LOC131768270: variants seen among roughly 807,000 people sequenced by gnomAD.
chr5:140,565,764 A>AAGCTTCCTAT, the LOC131768270 span: 1 of 396,180 alleles, frequency 2.5e-6, no homozygotes, highest in Non-Finnish European at 4.4e-6. Context: ...TTTATAGGAA[A>AAGCTTCCTAT]AGGTCTTTCT....
the LOC131768270 span, chr5:140,565,970 AG>A: frequency 2.5e-6 from 1 of 398,962 alleles, no homozygotes; most frequent in Non-Finnish European, 4.4e-6. Flanking sequence ...GGAGTGGGCC[AG>A]GTAAGGACTG....
chr5:140,568,082 G>A, the LOC131768270 span: 60 of 1,613,834 alleles, frequency 3.7e-5, no homozygotes, highest in South Asian at 2.5e-4. Flanking sequence ...GCTCACAGCC[G>A]CCTTCTTCCT....
At chr5:140,567,229 C>A in the LOC131768270 span, 1 of 1,614,076 alleles carries the variant, frequency 6.2e-7, no homozygotes, top group Non-Finnish European at 8.5e-7. Flanking sequence ...CCCGCTGGAC[C>A]CTGATGCTAC....
the LOC131768270 span, chr5:140,565,252 A>G: frequency 9.4e-6 from 2 of 213,548 alleles, no homozygotes; most frequent in Non-Finnish European, 1.8e-5. Context: ...TCTGAATTTC[A>G]TACTTATATG....
chr5:140,564,983 C>T, the LOC131768270 span: 306 of 399,376 alleles, frequency 7.7e-4, 4 homozygotes, highest in East Asian at 0.011. The surrounding 1 kb of genome is among the most constrained non-coding windows in gnomAD (Gnocchi z 5.0). Context: ...TCTTCTGCGG[C>T]TCCTGTCAAC....
the LOC131768270 span, chr5:140,566,053 T>A: frequency 5.0e-6 from 2 of 398,018 alleles, no homozygotes; most frequent in Non-Finnish European, 8.9e-6. Context: ...TGGTAGAGAT[T>A]TCTTCAGCAA....
the LOC131768270 span, chr5:140,567,149 C>T: frequency 6.2e-7 from 1 of 1,614,162 alleles, no homozygotes; most frequent in South Asian, 1.1e-5. Context: ...GCCCCTTAGC[C>T]ACCCAGGGTC....
the LOC131768270 span, chr5:140,568,274 G>C: frequency 6.9e-7 from 1 of 1,441,392 alleles, no homozygotes; most frequent in South Asian, 1.3e-5. Flanking sequence ...AGCTGGAGAA[G>C]TGAGGGCAGC....
chr5:140,566,909 T>C, the LOC131768270 span: 1 of 643,502 alleles, frequency 1.6e-6, no homozygotes, highest in Admixed American at 2.4e-5. Context: ...TTGTGGACAG[T>C]AGTTCCTCAG....
At chr5:140,568,654 A>T in the LOC131768270 span, 1 of 187,524 alleles carries the variant, frequency 5.3e-6, no homozygotes. Flanking sequence ...CACAGATTAT[A>T]CAACCATTAC....
the LOC131768270 span, chr5:140,565,277 C>T: frequency 1.1e-5 from 2 of 185,084 alleles, no homozygotes; most frequent in Non-Finnish European, 2.2e-5. Context: ...CAAAATCACT[C>T]AGTCCATTTA....
At chr5:140,568,009 C>T in the LOC131768270 span, 1 of 1,614,108 alleles carries the variant, frequency 6.2e-7, no homozygotes, top group Non-Finnish European at 8.5e-7. Context: ...TCACACGCCT[C>T]TTTGTGGTGT....
At chr5:140,566,627 A>G in the LOC131768270 span, 2 of 443,732 alleles carry the variant, frequency 4.5e-6, no homozygotes, top group Non-Finnish European at 7.9e-6. Context: ...TGGTGGCCAA[A>G]CTGAGGGCAT....
chr5:140,567,189 G>T, the LOC131768270 span: 2 of 1,614,204 alleles, frequency 1.2e-6, no homozygotes, highest in Non-Finnish European at 1.7e-6. Flanking sequence ...GAGGATGGGG[G>T]TATGCCAGGC....
chr5:140,566,419 G>A, the LOC131768270 span: 1 of 397,980 alleles, frequency 2.5e-6, no homozygotes, highest in Non-Finnish European at 4.4e-6. Context: ...TCTGGCCCCA[G>A]AACCTTGGGA....
chr5:140,567,453 T>A, the LOC131768270 span: 1 of 1,614,088 alleles, frequency 6.2e-7, no homozygotes, highest in Non-Finnish European at 8.5e-7. Context: ...TCAGCCCTGC[T>A]CTATGGCGCT....
the LOC131768270 span, chr5:140,567,403 G>T: frequency 5.7e-4 from 922 of 1,614,156 alleles, 3 homozygotes; most frequent in African/African-American, 0.01. Context: ...CATGGCCCCA[G>T]GGGCCCCCAC....
chr5:140,567,573 GGCACC>G, the LOC131768270 span: 8 of 1,614,172 alleles, frequency 5.0e-6, no homozygotes, highest in Non-Finnish European at 6.8e-6. Context: ...CTCTGCCTCC[GGCACC>G]GCCTCTCTGT....
chr5:140,567,620 G>C, the LOC131768270 span: 1 of 1,614,174 alleles, frequency 6.2e-7, no homozygotes, highest in Non-Finnish European at 8.5e-7. Context: ...GCTGCTGATG[G>C]CTGCGGGAGC....
Sources: allele counts gnomAD v4.1 joint callset, GRCh38; gene constraint gnomAD v4.1.1; non-coding constraint Gnocchi (gnomAD v3.1); transcripts MANE v1.5.